C11orf65: variants seen among roughly 807,000 people sequenced by gnomAD.
The protein encoded by C11orf65 is chromosome 11 open reading frame 65.
Under a neutral mutation model 35.3 loss-of-function variants are expected in C11orf65, and 38 were observed. The observed-to-expected ratio is 1.08, with a 90% confidence interval of 0.83 to 1.41. The LOEUF (loss-of-function observed/expected upper bound fraction) is 1.41, where lower values mean the gene tolerates loss of function less well. Ranked by LOEUF, C11orf65 falls within the 40% of genes most tolerant of loss-of-function variation. The pLI, the probability that C11orf65 is intolerant of heterozygous loss-of-function variation, is 0.00. For synonymous variants in C11orf65, 105 were observed against 114.4 expected (o/e 0.92, Z 0.53); for missense variants, 370 against 367.1 (o/e 1.01, Z -0.06).
Position 108,386,099 on chromosome 11 carries a change from T to A in C11orf65, c.732-124A>T, listed in dbSNP as rs574727557. 17 of 776,178 alleles carry A rather than the reference T, an allele frequency of 2.2e-5. No homozygotes were observed. The African/African-American group carries it at 2.9e-4, about 13-fold the overall frequency. 48.1% of individuals were successfully genotyped at this position (776,178 alleles called of 1,614,324 possible). A position where few individuals can be genotyped will look rare whatever the true frequency, so the allele number is the denominator to read the frequency against. The stretch of plus-strand genomic sequence containing the variant: ...GATGGCATGTTCACTAGCCTCCATG[T>A]GTAACTCTCAAGACTTTCTCACCTT... On this transcript the variant is annotated intron_variant, in intron 7 of 8. Transcript: ENST00000393084.
At chr11:108,463,668 C>T (rs1157043506) in intron 1 of C11orf65, among the ~76,000 whole-genome samples, 1 of 152,080 alleles carries the variant, frequency 6.6e-6, no homozygotes, top group African/African-American at 2.4e-5. Flanking sequence ...CTCATTGTAC[C>T]TAACTCATAG....
chr11:108,447,309 C>T (rs889761280), intron 2 of C11orf65, among the ~76,000 whole-genome samples: 8 of 152,104 alleles, frequency 5.3e-5, no homozygotes, highest in African/African-American at 9.7e-5. Flanking sequence ...GAACTCTCCA[C>T]CCCAAATCAA....
At chr11:108,429,728 T>G (rs559439933) in intron 3 of C11orf65, among the ~76,000 whole-genome samples, 2 of 152,264 alleles carry the variant, frequency 1.3e-5, no homozygotes, top group East Asian at 3.9e-4. Flanking sequence ...AGCTAAAACA[T>G]GGAAGCAACC....
intron 6 of C11orf65, among the ~76,000 whole-genome samples, chr11:108,393,867 G>A (rs936423010): frequency 2.0e-5 from 3 of 152,144 alleles, no homozygotes; most frequent in Admixed American, 1.3e-4. Flanking sequence ...TTTTCATACA[G>A]TCTTATTTAA....
At chr11:108,464,588 T>C (rs967409745) in intron 1 of C11orf65, among the ~76,000 whole-genome samples, 6 of 151,848 alleles carry the variant, frequency 4.0e-5, no homozygotes, top group Non-Finnish European at 1.5e-5. Flanking sequence ...TCTCCATCTC[T>C]TGACCTCGTG....
chr11:108,426,442 G>A (rs906533019), intron 3 of C11orf65, among the ~76,000 whole-genome samples: 6 of 151,734 alleles, frequency 4.0e-5, no homozygotes, highest in African/African-American at 1.5e-4. Context: ...AACTCACAAG[G>A]GATATGAAGG....
At chr11:108,380,731 G>C (rs1176669736), downstream of C11orf65, among the ~76,000 whole-genome samples, 1 of 152,176 alleles carries the variant, frequency 6.6e-6, no homozygotes, top group Non-Finnish European at 1.5e-5. Context: ...CATTTGAAAA[G>C]ACCAATCAGT....
chr11:108,395,898 G>A (rs1259919473), intron 6 of C11orf65, among the ~76,000 whole-genome samples: 1 of 151,882 alleles, frequency 6.6e-6, no homozygotes. Context: ...TGGGATTACA[G>A]GTGTGAGCCA....
Position 108,347,178 on chromosome 11 carries a change from TAAA to T in C11orf65, c.227-11889_227-11887del, listed in dbSNP as rs2088524244. On this transcript the variant is annotated intron_variant, in intron 2 of 3. Transcript: ENST00000524755. ...AGTAGGCTAAAAATCCTAAACTACT[TAAA>T]GATTATACCAAGTCAGTGGTCTTAA... 3 of 947,102 alleles carry T rather than the reference TAAA, an allele frequency of 3.2e-6. No homozygotes were observed. The East Asian group carries it at 7.3e-5, about 23-fold the overall frequency. 58.7% of individuals were successfully genotyped at this position (947,102 alleles called of 1,614,324 possible).
intron 2 of C11orf65, among the ~76,000 whole-genome samples, chr11:108,451,762 A>C (rs1222914532): frequency 6.6e-6 from 1 of 152,232 alleles, no homozygotes; most frequent in Non-Finnish European, 1.5e-5. Context: ...AGTCTACTAC[A>C]AGGCTACAGT....
downstream of C11orf65, chr11:108,329,421 T>C: frequency 1.6e-6 from 1 of 617,562 alleles, no homozygotes; most frequent in South Asian, 2.0e-5. Context: ...TTGTTTTTTT[T>C]TTTGAGACAA....
At chr11:108,443,531 G>C (rs574393078) in intron 2 of C11orf65, among the ~76,000 whole-genome samples, 169 of 152,218 alleles carry the variant, frequency 1.1e-3, no homozygotes, top group African/African-American at 3.6e-3. Flanking sequence ...CATTTTTACA[G>C]CATCACACGA....
rs572871132 is a variant in C11orf65 at position 108,460,559 on chromosome 11, T to C, written c.81+920A>G. Among the ~76,000 whole-genome samples, 3 of 152,324 alleles carry C rather than the reference T, an allele frequency of 2.0e-5. No homozygotes were observed. The South Asian group carries it at 6.2e-4, about 32-fold the overall frequency. ...CCTAACATCTGCTCACAATGCTGGT[T>C]CCTCAGTCAAGAAATAAAGTGTTGA... On this transcript the variant is annotated intron_variant, in intron 2 of 8. Coordinates refer to ENST00000393084, the MANE Select transcript of C11orf65 (RefSeq NM_152587.5).
downstream of C11orf65, among the ~76,000 whole-genome samples, chr11:108,379,454 C>T (rs953983166): frequency 7.5e-5 from 10 of 133,642 alleles, no homozygotes; most frequent in East Asian, 6.5e-4. Context: ...GGAAGGGGAA[C>T]ATCACACTCT....
chr11:108,351,647 C>T (rs761982836), intron 2 of C11orf65, among the ~76,000 whole-genome samples: 1 of 152,106 alleles, frequency 6.6e-6, no homozygotes, highest in South Asian at 2.1e-4. Flanking sequence ...ACAATAGTGT[C>T]CTGGACCTAC....
intron 2 of C11orf65, among the ~76,000 whole-genome samples, chr11:108,445,049 G>C (rs1167232882): frequency 6.6e-6 from 1 of 152,210 alleles, no homozygotes; most frequent in African/African-American, 2.4e-5. Context: ...CAGCAGCAAG[G>C]CTGGAGGAGG....
chr11:108,395,732 T>C (rs1053446854), intron 6 of C11orf65, among the ~76,000 whole-genome samples: 1 of 150,652 alleles, frequency 6.6e-6, no homozygotes, highest in African/African-American at 2.5e-5. Flanking sequence ...GCCAGTCTCC[T>C]GTCTCAGCCT....
intron 2 of C11orf65, 68 bp downstream of exon 2, chr11:108,461,411 T>A (rs569459321): frequency 1.8e-4 from 209 of 1,175,150 alleles, no homozygotes; most frequent in Middle Eastern, 4.3e-4. Flanking sequence ...AAAAAAAAAA[T>A]TGAACTGTAC....
intron 2 of C11orf65, among the ~76,000 whole-genome samples, chr11:108,352,577 C>G (rs1178337640): frequency 1.3e-5 from 2 of 152,148 alleles, no homozygotes; most frequent in Non-Finnish European, 2.9e-5. Flanking sequence ...AACTTAACAA[C>G]AAAATCTACT....
Sources: allele counts gnomAD v4.1 joint callset (sites outside exome capture counted in the v4.1 genomes callset), GRCh38; gene constraint gnomAD v4.1.1; transcripts MANE v1.5; gene names NCBI Gene and HGNC (gene_info 2026-07-23, HGNC 2026-07-21).